Variants in KIAA0753 observed in about 807,000 individuals in gnomAD.
KIAA0753 encodes KIAA0753.
Under a neutral mutation model 116.9 loss-of-function variants are expected in KIAA0753, and 114 were observed. The ratio of observed to expected loss-of-function variants is 0.98; its 90% confidence interval spans 0.84 to 1.14. The LOEUF (loss-of-function observed/expected upper bound fraction) is 1.14, where lower values mean the gene tolerates loss of function less well. Among genes scored for constraint, KIAA0753 ranks in the 50% most tolerant of loss-of-function variants. KIAA0753 has a pLI of 0.00. For missense variants in KIAA0753, 1,156 were observed against 1,172.4 expected (o/e 0.99, Z 0.20); for synonymous variants, 405 against 413.1 (o/e 0.98, Z 0.24).
intron 14 of KIAA0753, among the ~76,000 whole-genome samples, chr17:6,597,776 G>C (rs553207066): frequency 3.2e-4 from 48 of 152,274 alleles, no homozygotes; most frequent in African/African-American, 1.2e-3. Context: ...TATTTTACTT[G>C]CAAATGTCTC....
At chr17:6,623,203 C>T (rs1971443621) in intron 5 of KIAA0753, 106 bp from the exon 6 acceptor site, 11 of 1,150,690 alleles carry the variant, frequency 9.6e-6, no homozygotes, top group African/African-American at 1.6e-5. Context: ...GTATAAAGTG[C>T]TTTCTATTGT....
intron 7 of KIAA0753, among the ~76,000 whole-genome samples, chr17:6,613,517 C>T (rs76943169): frequency 0.021 from 3,132 of 152,068 alleles, 103 homozygotes; most frequent in African/African-American, 0.07. Flanking sequence ...TCAACTCAAC[C>T]AAAGACAAAG....
At chr17:6,614,865 C>A (rs886091847) in intron 7 of KIAA0753, among the ~76,000 whole-genome samples, 2 of 151,770 alleles carry the variant, frequency 1.3e-5, no homozygotes, top group Non-Finnish European at 2.9e-5. Flanking sequence ...GTAGTGTGAT[C>A]TCGGCTCACT....
chr17:6,631,608 GGAA>G (rs1442432917), intron 2 of KIAA0753, among the ~76,000 whole-genome samples: 1 of 152,136 alleles, frequency 6.6e-6, no homozygotes, highest in African/African-American at 2.4e-5. Context: ...GAAAGAAACA[GGAA>G]GGAGATGAGA....
rs1971797614 is a variant in KIAA0753 at position 6,628,219 on chromosome 17, C to A, written c.616G>T (p.Asp206Tyr). Residue 206 changes from aspartate to tyrosine, a missense_variant, in exon 3 of 19, where the codon GAC (aspartate) becomes TAC (tyrosine). By Grantham distance (160) the Asp-to-Tyr change is radical. Transcript: ENST00000361413. ...PGLQPHPRIG[D>Y]HKNISEQKSL... ...TTCTGTTCACTTATGTTTTTGTGGT[C>A]ACCTATCCTGGGATGAGGCTGAAGT... The A allele has an allele frequency of 3.7e-6, 6 of 1,613,980 alleles. No individual in the cohort carries two copies. Among genetic ancestry groups the A allele is most frequent in the Non-Finnish European group, 5.1e-6 (6 of 1,180,006 alleles).
rs142455183 is a variant in KIAA0753, at chr17:6,580,766, C to G, written c.2787-902G>C. Among the ~76,000 whole-genome samples, 53 of 152,192 alleles carry G rather than the reference C, an allele frequency of 3.5e-4. 2 individuals carry two copies. Among genetic ancestry groups the G allele is most frequent in the African/African-American group, 1.2e-3 (51 of 41,520 alleles). On this transcript the variant is annotated intron_variant, in intron 18 of 18. Coordinates refer to ENST00000361413, the MANE Select transcript of KIAA0753 (RefSeq NM_014804.3). The stretch of plus-strand genomic sequence containing the variant: ...TCCTCAATGTGTTTGAAACCAGAGG[C>G]GACCAGAAACTAACCAGCTGCAACC...
At chr17:6,630,725 G>A (rs909818964) in intron 2 of KIAA0753, among the ~76,000 whole-genome samples, 1 of 152,094 alleles carries the variant, frequency 6.6e-6, no homozygotes, top group Admixed American at 6.5e-5. Context: ...CCACAAACTG[G>A]AGTAAAATGA....
chr17:6,594,082 T>C (rs1393996166), intron 16 of KIAA0753, among the ~76,000 whole-genome samples: 1 of 152,200 alleles, frequency 6.6e-6, no homozygotes, highest in Non-Finnish European at 1.5e-5. Context: ...AAGTTTGCTA[T>C]TAGGTATTTA....
chr17:6,578,444 A>G lies in KIAA0753; in HGVS notation c.*1303T>C, dbSNP rs539518120. Reference sequence around the variant, plus strand: ...TTCAAGTGTACACATTTAACTCCCCAGGTTAAACACCCTGTAATTTACCTT... The same window carrying G: ...TTCAAGTGTACACATTTAACTCCCCGGGTTAAACACCCTGTAATTTACCTT... On this transcript the variant is annotated 3_prime_UTR_variant, in exon 19 of 19. Coordinates refer to ENST00000361413, the MANE Select transcript of KIAA0753 (RefSeq NM_014804.3). 13 of 152,330 alleles carry G rather than the reference A, an allele frequency of 8.5e-5. No homozygotes were observed. Among genetic ancestry groups the G allele is most frequent in the African/African-American group, 3.1e-4 (13 of 41,574 alleles). 9.4% of individuals were successfully genotyped at this position (152,330 alleles called of 1,614,324 possible). A position where few individuals can be genotyped will look rare whatever the true frequency, so the allele number is the denominator to read the frequency against.
intron 2 of KIAA0753, among the ~76,000 whole-genome samples, chr17:6,630,669 A>G (rs1409113005): frequency 6.6e-6 from 1 of 152,184 alleles, no homozygotes; most frequent in Admixed American, 6.5e-5. Context: ...ATTAGAATCA[A>G]TCTGAGTCCC....
chr17:6,620,958 T>G lies in KIAA0753; in HGVS notation c.1145A>C (p.Lys382Thr). The G allele has an allele frequency of 3.7e-6, 6 of 1,613,620 alleles. No homozygotes were observed. The highest frequency in any genetic ancestry group is 5.1e-6 in the Non-Finnish European group (6 of 1,179,834). The change falls in exon 7 of 19, where the codon AAG becomes ACG. Residue 382 changes from lysine to threonine, a missense_variant. Lys to Thr is a moderately conservative substitution (Grantham distance 78, BLOSUM62 -1). Coordinates refer to ENST00000361413, the MANE Select transcript of KIAA0753 (RefSeq NM_014804.3). Reference protein sequence around the residue: ...SLLEKKLSPKKVKKCFSEIRS... With the variant: ...SLLEKKLSPKTVKKCFSEIRS... The stretch of plus-strand genomic sequence containing the variant: ...AATTTCACTGAAACATTTTTTCACC[T>G]TTTTTGGTGACAGTTTCTTTTCCAG...
chr17:6,590,488 A>G (rs1968913079), intron 17 of KIAA0753, 22 bp downstream of exon 17: 1 of 1,613,354 alleles, frequency 6.2e-7, no homozygotes. Flanking sequence ...GAATGAAATC[A>G]GAAAGTGTCT....
Position 6,606,974 on chromosome 17 carries a change from T to A in KIAA0753, c.1920-12A>T. Reference sequence around the variant, plus strand: ...CAAGCCAATCAAGCCTAGAGAACAGTATCAAGAGTCACCCCAACTCTCCTC... The same window carrying A: ...CAAGCCAATCAAGCCTAGAGAACAGAATCAAGAGTCACCCCAACTCTCCTC... On this transcript the variant is annotated splice_polypyrimidine_tract_variant and intron_variant, in intron 11 of 18. Coordinates refer to ENST00000361413, the MANE Select transcript of KIAA0753 (RefSeq NM_014804.3). 2 of 1,611,950 alleles carry A rather than the reference T, an allele frequency of 1.2e-6. 1 individual carries two copies.
intron 7 of KIAA0753, among the ~76,000 whole-genome samples, chr17:6,619,034 G>C (rs1462031013): frequency 1.3e-5 from 2 of 152,076 alleles, no homozygotes; most frequent in African/African-American, 4.8e-5. Flanking sequence ...TTCAAGACCA[G>C]CCTGGCCAAC....
At chr17:6,599,864 A>G (rs564226270) in intron 13 of KIAA0753, among the ~76,000 whole-genome samples, 136 of 152,134 alleles carry the variant, frequency 8.9e-4, no homozygotes, top group African/African-American at 2.5e-3. Context: ...GATTGCTTCT[A>G]TTTACAGGGT....
intron 13 of KIAA0753, 24 bp from the exon 14 acceptor site, chr17:6,599,344 C>A: frequency 6.7e-7 from 1 of 1,484,560 alleles, no homozygotes; most frequent in Non-Finnish European, 9.4e-7. Context: ...CAAATACATT[C>A]ATGGAGTATA....
chr17:6,582,108 C>A (rs1038038070), intron 18 of KIAA0753, among the ~76,000 whole-genome samples: 3 of 152,176 alleles, frequency 2.0e-5, no homozygotes, highest in Non-Finnish European at 4.4e-5. Context: ...TTCATCCCAG[C>A]CTTCCCCTAG....
intron 18 of KIAA0753, among the ~76,000 whole-genome samples, chr17:6,582,362 A>AG (rs1567529332): frequency 6.6e-6 from 1 of 152,126 alleles, no homozygotes; most frequent in African/African-American, 2.4e-5. Flanking sequence ...AATACAGTTA[A>AG]GTTCATGTTT....
intron 7 of KIAA0753, among the ~76,000 whole-genome samples, chr17:6,616,043 T>C (rs936584772): frequency 2.6e-5 from 4 of 152,104 alleles, no homozygotes; most frequent in East Asian, 1.9e-4. Context: ...AATGGAAGAA[T>C]AGGGTAGAGT....
Sources: allele counts gnomAD v4.1 joint callset (sites outside exome capture counted in the v4.1 genomes callset), GRCh38; gene constraint gnomAD v4.1.1; transcripts MANE v1.5; gene names NCBI Gene and HGNC (gene_info 2026-07-23, HGNC 2026-07-21).